Variants in FOXO1 observed in about 807,000 individuals in gnomAD.
FOXO1 encodes the protein forkhead box protein O1.
A neutral mutation model predicts 44.1 loss-of-function variants in FOXO1; 6 were observed. The ratio of observed to expected loss-of-function variants is 0.14; its 90% CI spans 0.07 to 0.27. The LOEUF is 0.27. Ranked by LOEUF, FOXO1 falls within the 10% of genes least tolerant of loss-of-function variation. FOXO1 has a pLI of 1.00. For missense variants in FOXO1, 737 were observed against 888.8 expected, an observed-to-expected ratio of 0.83 and a Z score of 2.17; for synonymous variants, 380 against 362.7, an observed-to-expected ratio of 1.05 and a Z score of -0.54.
intron 1 of FOXO1, among the ~76,000 whole-genome samples, chr13:40,653,605 C>T (rs879661956): frequency 6.6e-6 from 1 of 152,200 alleles, no homozygotes; most frequent in Non-Finnish European, 1.5e-5. Flanking sequence ...TTTCCCTCTT[C>T]CTCCTTTCCT....
chr13:40,587,142 C>T (rs1043913015), intron 1 of FOXO1, among the ~76,000 whole-genome samples: 1 of 151,996 alleles, frequency 6.6e-6, no homozygotes, highest in Non-Finnish European at 1.5e-5. Flanking sequence ...ACCTACTGCA[C>T]CAATGTTAAA....
intron 1 of FOXO1, among the ~76,000 whole-genome samples, chr13:40,659,291 G>T (rs1203421896): frequency 7.0e-6 from 1 of 143,342 alleles, no homozygotes. Context: ...CTCCAGCCTG[G>T]GTGACAGAGC....
chr13:40,644,779 G>A (rs1877460135), intron 1 of FOXO1, among the ~76,000 whole-genome samples: 1 of 152,142 alleles, frequency 6.6e-6, no homozygotes, highest in Non-Finnish European at 1.5e-5. Context: ...AAACCACCCT[G>A]AGAATTTAAC....
At chr13:40,584,556 G>A (rs1875084502) in intron 1 of FOXO1, among the ~76,000 whole-genome samples, 1 of 150,252 alleles carries the variant, frequency 6.7e-6, no homozygotes, top group South Asian at 2.1e-4. Context: ...GCTGAGGTAG[G>A]AGGATCACCT....
intron 1 of FOXO1, among the ~76,000 whole-genome samples, chr13:40,640,387 C>G (rs1384856825): frequency 6.6e-6 from 1 of 152,242 alleles, no homozygotes; most frequent in African/African-American, 2.4e-5. Context: ...AACTACACTA[C>G]ACTCTCTCTC....
intron 1 of FOXO1, among the ~76,000 whole-genome samples, chr13:40,655,706 A>T (rs998210636): frequency 7.2e-6 from 1 of 138,830 alleles, no homozygotes; most frequent in Admixed American, 7.9e-5. Flanking sequence ...GTCGTGGCAT[A>T]ATCTCAGCTC....
chr13:40,584,234 G>C (rs1461796094), intron 1 of FOXO1, among the ~76,000 whole-genome samples: 1 of 151,928 alleles, frequency 6.6e-6, no homozygotes, highest in African/African-American at 2.4e-5. Context: ...GAGAAAGGCT[G>C]AATAACAATC....
chr13:40,566,770 C>T (rs1270829944), intron 1 of FOXO1, among the ~76,000 whole-genome samples: 1 of 152,098 alleles, frequency 6.6e-6, no homozygotes, highest in Non-Finnish European at 1.5e-5. Flanking sequence ...TAAACAAATA[C>T]ATGTTTTATC....
At chr13:40,640,539 A>G (rs1475640666) in intron 1 of FOXO1, among the ~76,000 whole-genome samples, 2 of 152,218 alleles carry the variant, frequency 1.3e-5, no homozygotes, top group Non-Finnish European at 2.9e-5. Context: ...AGTCTGGAGC[A>G]GGTCACTTCG....
At chr13:40,599,662 C>G (rs1164452605) in intron 1 of FOXO1, among the ~76,000 whole-genome samples, 1 of 152,056 alleles carries the variant, frequency 6.6e-6, no homozygotes, top group Non-Finnish European at 1.5e-5. Context: ...GGATGCCCTG[C>G]TAGGAGCACA....
At chr13:40,655,641 T>TTC (rs1877835317) in intron 1 of FOXO1, among the ~76,000 whole-genome samples, 1 of 142,796 alleles carries the variant, frequency 7.0e-6, no homozygotes, top group Non-Finnish European at 1.5e-5. Context: ...ACACTTCTTT[T>TTC]TTTTTTTTTT....
chr13:40,609,923 C>T (rs1876169204), intron 1 of FOXO1, among the ~76,000 whole-genome samples: 1 of 152,122 alleles, frequency 6.6e-6, no homozygotes, highest in Non-Finnish European at 1.5e-5. Context: ...CTTCACATTA[C>T]AGTTGCTGTC....
Position 40,557,261 on chromosome 13 carries a change from C to T in FOXO1, c.*1788G>A, listed in dbSNP as rs1873791216. ...GCACCTGTTCTCTTCATTGTGATGA[C>T]TTTGGGCTTTCCACATGACTTGAAA... On this transcript the variant is annotated 3_prime_UTR_variant, in exon 3 of 3. Transcript: ENST00000379561. 6.6e-6 allele frequency: 1 copy of T among 152,230 alleles called. No individual in the cohort carries two copies. The highest frequency in any genetic ancestry group is 6.5e-5 in the Admixed American group (1 of 15,282). 9.4% of individuals were successfully genotyped at this position (152,230 alleles called of 1,614,324 possible). A position where few individuals can be genotyped will look rare whatever the true frequency, so the allele number is the denominator to read the frequency against.
intron 1 of FOXO1, chr13:40,621,266 T>A: frequency 1.3e-6 from 1 of 797,128 alleles, no homozygotes; most frequent in South Asian, 1.5e-5. Flanking sequence ...ATATTCATTG[T>A]ACTGACCGAT....
intron 1 of FOXO1, among the ~76,000 whole-genome samples, chr13:40,569,674 T>C (rs1228488684): frequency 2.6e-5 from 4 of 152,222 alleles, no homozygotes; most frequent in African/African-American, 7.2e-5. Flanking sequence ...ACTAGCATAT[T>C]CTGTCGGTTT....
chr13:40,647,694 C>T (rs1045596696), intron 1 of FOXO1, among the ~76,000 whole-genome samples: 2 of 152,160 alleles, frequency 1.3e-5, no homozygotes, highest in Admixed American at 6.5e-5. Context: ...CATGAGCCAC[C>T]GCGCCCAGCT....
At chr13:40,612,031 T>C (rs1191496957) in intron 1 of FOXO1, among the ~76,000 whole-genome samples, 4 of 152,040 alleles carry the variant, frequency 2.6e-5, no homozygotes, top group African/African-American at 4.8e-5. Flanking sequence ...ATCACGCCAC[T>C]GCACTCCAGC....
intron 1 of FOXO1, among the ~76,000 whole-genome samples, chr13:40,609,719 A>G (rs554082026): frequency 2.2e-4 from 34 of 152,300 alleles, no homozygotes; most frequent in African/African-American, 7.2e-4. Context: ...GGGGGGGAAA[A>G]AAATTCCTCA....
At chr13:40,579,057 C>T (rs1463015143) in intron 1 of FOXO1, among the ~76,000 whole-genome samples, 2 of 152,206 alleles carry the variant, frequency 1.3e-5, no homozygotes, top group Admixed American at 1.3e-4. Context: ...TATGTCTAAG[C>T]TTTCTTGTCT....
Sources: gnomAD v4.1 joint callset for allele counts (sites outside exome capture counted in the v4.1 genomes callset) on GRCh38, gnomAD v4.1.1 for gene constraint, MANE v1.5 for transcripts, NCBI Gene and HGNC (gene_info 2026-07-23, HGNC 2026-07-21) for gene names.